Variants in WWOX observed in about 807,000 individuals in gnomAD.
The protein encoded by WWOX is WW domain containing oxidoreductase.
WWOX carries 69 observed loss-of-function variants against 46.2 expected under a neutral mutation model. The observed-to-expected ratio is 1.49, with a 90% confidence interval of 1.23 to 1.82. The LOEUF is 1.82. Among genes scored for constraint, WWOX ranks in the 40% most tolerant of loss-of-function variants. The probability of loss-of-function intolerance (pLI) is 0.00; values close to 1 mark genes in which losing one functional copy is unlikely to be tolerated. For synonymous variants in WWOX, 359 were observed against 202.6 expected (o/e 1.77, Z -6.56); for missense variants, 919 against 542.6 (o/e 1.69, Z -6.89).
intron 8 of WWOX, among the ~76,000 whole-genome samples, chr16:79,156,432 A>G (rs2150741594): frequency 6.6e-6 from 1 of 152,352 alleles, no homozygotes; most frequent in East Asian, 1.9e-4. Flanking sequence ...AAGTGCTGGG[A>G]TAACAGGCGT....
chr16:78,670,197 C>G (rs2047426830), intron 8 of WWOX, among the ~76,000 whole-genome samples: 3 of 152,272 alleles, frequency 2.0e-5, no homozygotes, highest in Non-Finnish European at 2.9e-5. Context: ...AGGTCCAGCT[C>G]TAACCACAGC....
At chr16:78,604,902 TCCTC>T (rs1312715993) in intron 8 of WWOX, among the ~76,000 whole-genome samples, 2 of 22,158 alleles carry the variant, frequency 9.0e-5, no homozygotes, top group Non-Finnish European at 1.6e-4. Context: ...CTCCTTCCCT[TCCTC>T]CCTCCCTCCC....
rs112694176 is a variant in WWOX, at chr16:78,151,858, C to T, written c.410-12325C>T. ...CCTGTTTAACCACTTTTGTGTCTTA[C>T]GTGCACGCTGTTCGGTACTTTGACT... On this transcript the variant is annotated intron_variant, in intron 4 of 8. Coordinates refer to ENST00000566780, the MANE Select transcript of WWOX (RefSeq NM_016373.4). Among the ~76,000 whole-genome samples the T allele has an allele frequency of 6.6e-3, 1,007 of 152,270 alleles. 4 individuals are homozygous for T. The highest frequency in any genetic ancestry group is 0.015 in the African/African-American group (627 of 41,556).
chr16:78,649,875 T>C (rs963974083), intron 8 of WWOX, among the ~76,000 whole-genome samples: 38 of 152,234 alleles, frequency 2.5e-4, no homozygotes, highest in Admixed American at 1.3e-4. Context: ...ACATATGGTA[T>C]AAGGCACAGT....
At chr16:78,953,429 C>T (rs1457103965) in intron 8 of WWOX, among the ~76,000 whole-genome samples, 2 of 152,052 alleles carry the variant, frequency 1.3e-5, no homozygotes, top group African/African-American at 2.4e-5. Flanking sequence ...AATTTGAAAC[C>T]TGTTCATCAA....
intron 5 of WWOX, among the ~76,000 whole-genome samples, chr16:78,292,631 A>G (rs1331905673): frequency 1.3e-5 from 2 of 152,160 alleles, no homozygotes; most frequent in East Asian, 1.9e-4. Context: ...TTTTTTTAAA[A>G]AAAAGGAAGA....
intron 8 of WWOX, among the ~76,000 whole-genome samples, chr16:78,938,728 A>C (rs1017579102): frequency 1.3e-5 from 2 of 152,222 alleles, no homozygotes; most frequent in Non-Finnish European, 2.9e-5. Context: ...CCATATAGTC[A>C]GTGAATGAAT....
chr16:79,124,322 G>A (rs551524889), intron 8 of WWOX, among the ~76,000 whole-genome samples: 8 of 149,776 alleles, frequency 5.3e-5, no homozygotes, highest in South Asian at 2.2e-4. Flanking sequence ...CAATGGTGAC[G>A]GGGTTTGTTT....
chr16:78,584,877 C>G lies in WWOX; in HGVS notation c.1056+152125C>G, dbSNP rs149249900. 3.0e-3 allele frequency among the ~76,000 whole-genome samples: 459 copies of G among 152,292 alleles called. 2 individuals are homozygous for G. The highest frequency in any genetic ancestry group is 0.011 in the African/African-American group (441 of 41,568). On this transcript the variant is annotated intron_variant, in intron 8 of 8. Transcript: ENST00000566780. ...ACGTCGGTGCGTGTAAGCAATATCT[C>G]AAAACATTTGAGAGAATTTCCCATT... is the stretch of plus-strand genomic sequence containing the variant.
chr16:78,416,309 C>T (rs1410996958), intron 6 of WWOX, among the ~76,000 whole-genome samples: 2 of 152,210 alleles, frequency 1.3e-5, no homozygotes, highest in Non-Finnish European at 2.9e-5. Flanking sequence ...ATAAGAACCT[C>T]ATTAAAGTGA....
At chr16:79,189,602 A>G (rs964850330) in intron 8 of WWOX, among the ~76,000 whole-genome samples, 9 of 151,986 alleles carry the variant, frequency 5.9e-5, no homozygotes, top group African/African-American at 2.2e-4. Flanking sequence ...TGCCCAGCCT[A>G]GGAAAGCATA....
intron 5 of WWOX, among the ~76,000 whole-genome samples, chr16:78,204,945 G>A (rs1219163898): frequency 3.3e-5 from 5 of 152,130 alleles, no homozygotes; most frequent in Middle Eastern, 3.2e-3. Context: ...CTTGCCTTGT[G>A]GATGTTGAAA....
chr16:78,246,960 G>A (rs1219212620), intron 5 of WWOX, among the ~76,000 whole-genome samples: 1 of 152,116 alleles, frequency 6.6e-6, no homozygotes, highest in Non-Finnish European at 1.5e-5. Flanking sequence ...GACCATAGCA[G>A]TATCAGTCTG....
At chr16:78,664,963 A>G (rs56793541) in intron 8 of WWOX, among the ~76,000 whole-genome samples, 46 of 152,306 alleles carry the variant, frequency 3.0e-4, no homozygotes, top group African/African-American at 9.1e-4. Flanking sequence ...GTTCAATACA[A>G]TGAACTTGGG....
rs1378637209 is a variant in WWOX at position 78,337,947 on chromosome 16, C to G, written c.517-48913C>G. Among the ~76,000 whole-genome samples, 2 of 119,992 alleles carry G rather than the reference C, an allele frequency of 1.7e-5. 1 individual carries two copies. The highest frequency in any genetic ancestry group is 4.0e-5 in the Non-Finnish European group (2 of 50,296). The allele number at this position is 119,992 out of a possible 152,430, so 78.7% of individuals were successfully genotyped here. ...ACCTCGTGTCTCTTGCTGGGGTCTT[C>G]ATCAGTAAGAGACCTCACAAGATGC... On this transcript the variant is annotated intron_variant, in intron 5 of 8. Transcript: ENST00000566780.
intron 4 of WWOX, among the ~76,000 whole-genome samples, chr16:78,158,043 C>T (rs566028594): frequency 2.4e-4 from 36 of 152,328 alleles, no homozygotes; most frequent in Non-Finnish European, 3.5e-4. Flanking sequence ...GATCCCACAG[C>T]TTGTACGTGC....
chr16:78,277,789 G>T (rs2079607162), intron 5 of WWOX, among the ~76,000 whole-genome samples: 1 of 152,148 alleles, frequency 6.6e-6, no homozygotes. Context: ...AGGAAAGCGA[G>T]ATAAATGCAG....
In WWOX at chr16:78,990,952, G is replaced by A. The variant is rs77324963; in HGVS notation, c.1057-220656G>A. Among the ~76,000 whole-genome samples the A allele has an allele frequency of 8.7e-3, 1,328 of 152,348 alleles. 25 individuals carry two copies. Among genetic ancestry groups the A allele is most frequent in the African/African-American group, 0.03 (1,253 of 41,572 alleles). ...GCTGAGAAAGAAGAACCGACCTCCA[G>A]GGGAGCTTGTCTTCAGACCAAAACC... On this transcript the variant is annotated intron_variant, in intron 8 of 8. Coordinates refer to ENST00000566780, the MANE Select transcript of WWOX (RefSeq NM_016373.4).
chr16:78,686,035 G>C (rs2142248890), intron 8 of WWOX, among the ~76,000 whole-genome samples: 1 of 152,280 alleles, frequency 6.6e-6, no homozygotes, highest in South Asian at 2.1e-4. Flanking sequence ...AAGAAATAAA[G>C]AGAATGAGAT....
Sources: allele counts gnomAD v4.1 joint callset (sites outside exome capture counted in the v4.1 genomes callset), GRCh38; gene constraint gnomAD v4.1.1; transcripts MANE v1.5; gene names NCBI Gene and HGNC (gene_info 2026-07-23, HGNC 2026-07-21).